Variants in ELP1 observed in about 807,000 individuals in gnomAD.
ELP1 encodes elongator acetyltransferase complex subunit 1.
Under a neutral mutation model 183.2 loss-of-function variants are expected in ELP1, and 131 were observed. That is an observed-to-expected ratio of 0.72 (90% CI 0.62 to 0.83). The LOEUF (loss-of-function observed/expected upper bound fraction) is 0.83. ELP1 is among the 40% of genes least tolerant of loss of function. The probability of loss-of-function intolerance (pLI) is 0.00; values close to 1 mark genes in which losing one functional copy is unlikely to be tolerated. For synonymous variants in ELP1, 555 were observed against 569.0 expected (o/e 0.98, Z 0.35); for missense variants, 1,550 against 1,594.9 (o/e 0.97, Z 0.48).
At chr9:108,870,477 A>T (rs1478046516) in intron 36 of ELP1, among the ~76,000 whole-genome samples, 1 of 152,228 alleles carries the variant, frequency 6.6e-6, no homozygotes, top group Non-Finnish European at 1.5e-5. Context: ...GAAGTGGATC[A>T]TCATAAAGGT....
intron 32 of ELP1, 61 bp from the exon 33 acceptor site, chr9:108,879,618 C>A: frequency 8.2e-7 from 1 of 1,218,498 alleles, no homozygotes; most frequent in Non-Finnish European, 1.2e-6. Context: ...GGTTTACTTT[C>A]AGGGCGGTAA....
Position 108,911,012 on chromosome 9 carries a change from C to T in ELP1, c.1358G>A (p.Cys453Tyr), listed in dbSNP as rs752427486. ...TTGGCAAAAGTTTTATAACATACCA[C>T]ATTTATAAACAGAAATCTGGTTACT... ...DASNQISVYK[C>Y]GDCPSADPTV... Residue 453 changes from cysteine to tyrosine, a missense_variant and splice_region_variant, in exon 12 of 37, where the codon TGT (cysteine) becomes TAT (tyrosine). Transcript: ENST00000374647. 1.9e-6 allele frequency: 3 copies of T among 1,613,682 alleles called. No individual in the cohort carries two copies. Among genetic ancestry groups the T allele is most frequent in the Non-Finnish European group, 2.5e-6 (3 of 1,179,624 alleles).
chr9:108,894,487 T>C (rs1173703686), intron 25 of ELP1, among the ~76,000 whole-genome samples: 3 of 152,224 alleles, frequency 2.0e-5, no homozygotes, highest in Admixed American at 6.5e-5. Context: ...ACTCGCACAG[T>C]TGAAACTCAC....
intron 22 of ELP1, among the ~76,000 whole-genome samples, chr9:108,897,576 T>TA (rs1828606073): frequency 6.6e-6 from 1 of 151,894 alleles, no homozygotes; most frequent in African/African-American, 2.4e-5. Context: ...TACTGACCAA[T>TA]AAAAAAAGAA....
chr9:108,886,322 G>C (rs1293024025), intron 29 of ELP1, among the ~76,000 whole-genome samples: 3 of 152,010 alleles, frequency 2.0e-5, no homozygotes, highest in African/African-American at 7.2e-5. Flanking sequence ...CCTCATTTTT[G>C]TCACCCCTCA....
At position 108,867,842 on chromosome 9, in the gene ELP1, T is replaced by A. The variant is rs140005128; in HGVS notation, c.*1273A>T. 8 of 152,366 alleles carry A rather than the reference T, an allele frequency of 5.3e-5. No homozygotes were observed. Among genetic ancestry groups the A allele is most frequent in the African/African-American group, 1.9e-4 (8 of 41,588 alleles). The allele number at this position is 152,366 out of a possible 1,614,324, so 9.4% of individuals were successfully genotyped here. A position where few individuals can be genotyped will look rare whatever the true frequency, so the allele number is the denominator to read the frequency against. On this transcript the variant is annotated 3_prime_UTR_variant, in exon 37 of 37. Coordinates refer to ENST00000374647, the MANE Select transcript of ELP1 (RefSeq NM_003640.5). ...TCCTAGATTGATTCTATAGTTAACA[T>A]CTTGCTATACTGGGAAAGGCTTCTT...
chr9:108,892,605 T>C (rs940247689), intron 27 of ELP1, among the ~76,000 whole-genome samples: 2 of 152,200 alleles, frequency 1.3e-5, no homozygotes, highest in African/African-American at 4.8e-5. Flanking sequence ...ATAACACATT[T>C]AACTTAGAAG....
chr9:108,899,293 C>CT lies in ELP1; in HGVS notation c.2204+528dup, dbSNP rs1433598326. ...CCAGCCTGGGTGACAGAGCAAGACT[C>CT]TGTCTCAAAAAAAAAACAAAGAAAA... On this transcript the variant is annotated intron_variant, in intron 20 of 36. Transcript: ENST00000374647. Among the ~76,000 whole-genome samples, 9 of 143,826 alleles carry CT rather than the reference C, an allele frequency of 6.3e-5. No individual in the cohort carries two copies. The East Asian group carries it at 1.6e-3, about 26-fold the overall frequency. The allele number at this position is 143,826 out of a possible 152,430, so 94.4% of individuals were successfully genotyped here.
intron 25 of ELP1, 27 bp from the exon 26 acceptor site, chr9:108,894,093 A>T: frequency 1.5e-6 from 2 of 1,304,784 alleles, no homozygotes; most frequent in Non-Finnish European, 2.2e-6. Flanking sequence ...TGAGAACTTT[A>T]TTACTTGTGA....
chr9:108,881,568 T>C (rs879156129), intron 31 of ELP1, 137 bp downstream of exon 31: 1 of 655,134 alleles, frequency 1.5e-6, no homozygotes, highest in South Asian at 1.8e-5. Flanking sequence ...GAATTAAATA[T>C]TATATCCAGG....
intron 10 of ELP1, among the ~76,000 whole-genome samples, chr9:108,915,817 C>T (rs550962667): frequency 1.4e-4 from 21 of 151,916 alleles, no homozygotes; most frequent in African/African-American, 4.3e-4. Context: ...CGCAACCAAA[C>T]GCACATCAAA....
At position 108,891,394 on chromosome 9, in the gene ELP1, A is replaced by G. The variant is rs775251575; in HGVS notation, c.2969T>C (p.Ile990Thr). Residue 990 changes from isoleucine to threonine, a missense_variant, in exon 28 of 37, where the codon ATT (isoleucine) becomes ACT (threonine). Ile to Thr is a moderately conservative substitution (Grantham distance 89, BLOSUM62 -1). Coordinates refer to ENST00000374647, the MANE Select transcript of ELP1 (RefSeq NM_003640.5). ...PSSQQYQDIS[I>T]AYGEHLMQEH... is the part of the protein sequence containing the mutation. Reference sequence around the variant, plus strand: ...CTGCATCAGGTGCTCCCCATAAGCAATGCTGATATCCTGTGACAAGAGGAG... The same window carrying G: ...CTGCATCAGGTGCTCCCCATAAGCAGTGCTGATATCCTGTGACAAGAGGAG... 21 of 1,613,452 alleles carry G rather than the reference A, an allele frequency of 1.3e-5. No homozygotes were observed. In the South Asian group the frequency reaches 1.6e-4, roughly 13 times the overall value.
intron 6 of ELP1, among the ~76,000 whole-genome samples, chr9:108,921,797 A>G (rs751760049): frequency 2.6e-5 from 4 of 152,234 alleles, no homozygotes; most frequent in Non-Finnish European, 4.4e-5. Flanking sequence ...TACTCACAAT[A>G]AAGTTGTTTT....
intron 29 of ELP1, among the ~76,000 whole-genome samples, chr9:108,887,927 G>A (rs962226057): frequency 1.3e-5 from 2 of 152,154 alleles, no homozygotes; most frequent in African/African-American, 4.8e-5. Flanking sequence ...CACTTACCAC[G>A]GGATGTGGCA....
chr9:108,880,001 T>C (rs373328501), intron 32 of ELP1, 51 bp downstream of exon 32: 234 of 1,159,182 alleles, frequency 2.0e-4, no homozygotes, highest in Admixed American at 1.2e-4. Flanking sequence ...TGTGTGGCGT[T>C]ACCCAACCCC....
At position 108,898,745 on chromosome 9, in the gene ELP1, T is replaced by G; in HGVS notation, c.2209A>C (p.Met737Leu). The G allele has an allele frequency of 6.2e-7, 1 of 1,606,136 alleles. No individual in the cohort carries two copies. Among genetic ancestry groups the G allele is most frequent in the Non-Finnish European group, 8.5e-7 (1 of 1,173,778 alleles). The change falls in exon 21 of 37, where the codon ATG (methionine) becomes CTG (leucine). Residue 737 changes from methionine (M) to leucine (L), a missense_variant. By Grantham distance (15) the Met-to-Leu change is conservative. Transcript: ENST00000374647. ...AQIRKWLDKL[M>L]FKEAFECMRK... ...ATGCATTCAAATGCCTCTTTAAACA[T>G]AAGTCTGTGAGAAGACAGAGAAAGA...
intron 18 of ELP1, among the ~76,000 whole-genome samples, chr9:108,900,806 GC>G (rs1828754275): frequency 7.9e-6 from 1 of 127,340 alleles, no homozygotes; most frequent in Non-Finnish European, 1.7e-5. Flanking sequence ...ACACATACAC[GC>G]CACACACACA....
chr9:108,894,300 A>C (rs1430694567), intron 25 of ELP1, among the ~76,000 whole-genome samples: 1 of 152,194 alleles, frequency 6.6e-6, no homozygotes, highest in African/African-American at 2.4e-5. Context: ...CCCCAGTCCT[A>C]CATTTGACCC....
chr9:108,920,327 G>C (rs78916917), intron 6 of ELP1, among the ~76,000 whole-genome samples: 9 of 150,026 alleles, frequency 6.0e-5, no homozygotes, highest in African/African-American at 2.2e-4. Context: ...TATGGCCCAG[G>C]CTGGAGTGCA....
Sources: allele counts gnomAD v4.1 joint callset (sites outside exome capture counted in the v4.1 genomes callset), GRCh38; gene constraint gnomAD v4.1.1; transcripts MANE v1.5; gene names NCBI Gene and HGNC (gene_info 2026-07-23, HGNC 2026-07-21).